Variants in SLC22A14 observed in about 807,000 individuals in gnomAD.
SLC22A14 encodes solute carrier family 22 member 14.
Under a neutral mutation model 53.9 loss-of-function variants are expected in SLC22A14, and 50 were observed. That is an observed-to-expected ratio of 0.93 (90% confidence interval 0.74 to 1.17). SLC22A14 has a LOEUF of 1.17. Among genes scored for constraint, SLC22A14 ranks in the 50% most tolerant of loss-of-function variants. The pLI, the probability that SLC22A14 is intolerant of heterozygous loss-of-function variation, is 0.00. For synonymous variants in SLC22A14, 312 were observed against 303.0 expected (o/e 1.03, Z -0.31); for missense variants, 671 against 734.7 (o/e 0.91, Z 1.00).
At position 38,306,199 on chromosome 3, in the gene SLC22A14, C is replaced by A. The variant is rs748915002; in HGVS notation, c.173C>A (p.Ala58Glu). 8 of 1,614,116 alleles carry A rather than the reference C, an allele frequency of 5.0e-6. No homozygotes were observed. The Admixed American group carries it at 1.0e-4, about 20-fold the overall frequency. ...QDDKFANLLD[A>E]VGEFGTFQQR... ...GACAAGTTTGCCAACCTCCTGGATGCGGTGGGGGAGTTTGGCACATTCCAG... is the reference window on the plus strand; with the variant it reads ...GACAAGTTTGCCAACCTCCTGGATGAGGTGGGGGAGTTTGGCACATTCCAG... The change falls in exon 2 of 11, where the codon GCG becomes GAG. Residue 58 changes from alanine to glutamate, a missense_variant. Physicochemically the swap from Ala to Glu is moderately radical, Grantham distance 107. Transcript: ENST00000448498.
At chr3:38,312,913 T>A in intron 5 of SLC22A14, 86 bp from the exon 6 acceptor site, 1 of 1,520,972 alleles carries the variant, frequency 6.6e-7, no homozygotes, top group Non-Finnish European at 8.9e-7. Context: ...TGGCACAGGA[T>A]GGCCACAGCT....
intron 1 of SLC22A14, among the ~76,000 whole-genome samples, chr3:38,301,513 G>A (rs4679032): frequency 0.064 from 9,764 of 152,196 alleles, 373 homozygotes; most frequent in East Asian, 0.16. Context: ...AAATGCAATT[G>A]ACTTTTATGT....
chr3:38,295,798 G>C (rs1404505865), intron 1 of SLC22A14, among the ~76,000 whole-genome samples: 4 of 149,662 alleles, frequency 2.7e-5, no homozygotes, highest in African/African-American at 9.9e-5. Context: ...CTCTCTCTCT[G>C]TCTGTCTCTC....
chr3:38,306,551 T>C lies in SLC22A14; in HGVS notation c.516+9T>C, dbSNP rs2125885913. ...GATCGCTGATCAATGAGGTATGTCT[T>C]GTCATGGGTTGTCTGTAACTACCCT... On this transcript the variant is annotated intron_variant, in intron 2 of 10. Coordinates refer to ENST00000448498, the MANE Select transcript of SLC22A14 (RefSeq NM_001320033.2). 2.5e-6 allele frequency: 4 copies of C among 1,600,078 alleles called. No individual in the cohort carries two copies. The highest frequency in any genetic ancestry group is 1.7e-4 in the Middle Eastern group (1 of 5,978).
intron 2 of SLC22A14, among the ~76,000 whole-genome samples, chr3:38,306,973 G>T (rs1438400580): frequency 6.6e-6 from 1 of 152,156 alleles, no homozygotes; most frequent in Non-Finnish European, 1.5e-5. Flanking sequence ...TTTGGGAAAG[G>T]GTCTGCACTG....
chr3:38,280,706 C>T (rs985545698), upstream of SLC22A14, among the ~76,000 whole-genome samples: 9 of 151,922 alleles, frequency 5.9e-5, no homozygotes, highest in African/African-American at 1.5e-4. Context: ...CTCTGCTCAC[C>T]GCAACTTCTG....
intron 1 of SLC22A14, among the ~76,000 whole-genome samples, chr3:38,292,758 G>A (rs143262485): frequency 0.016 from 2,439 of 152,182 alleles, 27 homozygotes; most frequent in Non-Finnish European, 0.023. Context: ...CAACAAATGG[G>A]TGTTCCTTCT....
rs1054929976 is a variant in SLC22A14, at chr3:38,301,996, G to C, written c.1-4031G>C. ...GCCTGTAATCCCAGCACCTTGGGAG[G>C]CCAGGGCAGGCGGATCACCCAAGGT... On this transcript the variant is annotated intron_variant, in intron 1 of 10. Transcript: ENST00000448498. Among the ~76,000 whole-genome samples, 129 of 151,130 alleles carry C rather than the reference G, an allele frequency of 8.5e-4. 1 individual carries two copies. Among genetic ancestry groups the C allele is most frequent in the Admixed American group, 4.6e-4 (7 of 15,176 alleles).
chr3:38,312,868 G>A, intron 5 of SLC22A14, 131 bp from the exon 6 acceptor site: 2 of 1,212,664 alleles, frequency 1.6e-6, no homozygotes, highest in Non-Finnish European at 2.3e-6. Context: ...GTCAGTGGTG[G>A]CCTTCAAGGC....
chr3:38,313,692 G>GCGCGCGCGCGCT (rs373092519), intron 7 of SLC22A14, 35 bp from the exon 8 acceptor site: 1 of 1,433,552 alleles, frequency 7.0e-7, no homozygotes, highest in African/African-American at 1.4e-5. Flanking sequence ...GTGTGCGCGC[G>GCGCGCGCGCGCT]TGTGCACGCG....
intron 7 of SLC22A14, 85 bp downstream of exon 7, chr3:38,313,570 G>T: frequency 9.3e-7 from 1 of 1,077,300 alleles, no homozygotes; most frequent in Non-Finnish European, 1.4e-6. Context: ...TGGTCAGGCT[G>T]CAGGGGAGGC....
intron 1 of SLC22A14, among the ~76,000 whole-genome samples, chr3:38,294,262 A>G (rs1344600344): frequency 6.6e-6 from 1 of 152,168 alleles, no homozygotes; most frequent in African/African-American, 2.4e-5. Flanking sequence ...CCTGTAGGGC[A>G]TAAATCACAC....
chr3:38,281,067 C>T (rs1224077570), upstream of SLC22A14, among the ~76,000 whole-genome samples: 1 of 152,154 alleles, frequency 6.6e-6, no homozygotes, highest in East Asian at 1.9e-4. Context: ...TGCTGCTGCT[C>T]AAGAGTGGGG....
Position 38,307,745 on chromosome 3 carries a change from G to A in SLC22A14, c.775+25G>A. ...GGTGAGACTGGGCCTCAATGGGGCA[G>A]GGCAGGGTGGCACAGGGGCATGGCG... is the stretch of plus-strand genomic sequence containing the variant. On this transcript the variant is annotated intron_variant, in intron 4 of 10. Transcript: ENST00000448498. This position sits in a 1 kb window ranked among gnomAD's most constrained non-coding sequence, Gnocchi z 4.4. 1 of 1,613,020 alleles carries A rather than the reference G, an allele frequency of 6.2e-7. No homozygotes were observed. The highest frequency in any genetic ancestry group is 1.1e-5 in the South Asian group (1 of 90,952).
At chr3:38,305,653 GAAA>G in intron 1 of SLC22A14, 1 of 183,830 alleles carries the variant, frequency 5.4e-6, no homozygotes, top group South Asian at 1.5e-4. Flanking sequence ...TGTTTTTGAA[GAAA>G]AGGTCCCTAG....
intron 4 of SLC22A14, among the ~76,000 whole-genome samples, chr3:38,308,717 G>A (rs1704383889): frequency 6.6e-6 from 1 of 152,258 alleles, no homozygotes; most frequent in South Asian, 2.1e-4. Context: ...GCAGCCAGGT[G>A]GAGCGGGATG....
At chr3:38,316,926 TC>T (rs1704639191) in intron 10 of SLC22A14, among the ~76,000 whole-genome samples, 1 of 152,326 alleles carries the variant, frequency 6.6e-6, no homozygotes, top group East Asian at 1.9e-4. Flanking sequence ...CCTAGTTCAG[TC>T]CTGGTTTTCA....
chr3:38,280,091 A>T (rs1010837097), upstream of SLC22A14, among the ~76,000 whole-genome samples: 1 of 152,148 alleles, frequency 6.6e-6, no homozygotes, highest in Non-Finnish European at 1.5e-5. Context: ...TGCGTGTTTC[A>T]TACTCACTCC....
At position 38,306,458 on chromosome 3, in the gene SLC22A14, C is replaced by T; in HGVS notation, c.432C>T (p.Ile144=). Reference sequence around the variant, plus strand: ...CTGTGCCTTGGAATCTGGATTCTATCATCCAGTTTGGCCTCAATGACACAG... The same window carrying T: ...CTGTGCCTTGGAATCTGGATTCTATTATCCAGTTTGGCCTCAATGACACAG... The part of the protein sequence containing the change: ...YLPVPWNLDS[I]IQFGLNDTDT... Residue 144 remains isoleucine (I), a synonymous_variant, in exon 2 of 11, where the codon ATC becomes ATT. Transcript: ENST00000448498. 1 of 1,614,086 alleles carries T rather than the reference C, an allele frequency of 6.2e-7. No homozygotes were observed. Among genetic ancestry groups the T allele is most frequent in the Non-Finnish European group, 8.5e-7 (1 of 1,179,922 alleles).
Sources: allele counts gnomAD v4.1 joint callset (sites outside exome capture counted in the v4.1 genomes callset), GRCh38; gene constraint gnomAD v4.1.1; non-coding constraint Gnocchi (gnomAD v3.1); transcripts MANE v1.5; gene names NCBI Gene and HGNC (gene_info 2026-07-23, HGNC 2026-07-21).